The following KLF12 variants were observed in gnomAD, a reference collection of about 807,000 sequenced individuals.
KLF12 encodes the protein Krueppel-like factor 12.
A neutral mutation model predicts 37.8 loss-of-function variants in KLF12; 9 were observed. That is an observed-to-expected ratio of 0.24 (90% CI 0.14 to 0.42). The LOEUF (loss-of-function observed/expected upper bound fraction) is 0.42, where lower values mean the gene tolerates loss of function less well. Ranked by LOEUF, KLF12 falls within the 10% of genes least tolerant of loss-of-function variation. The pLI, the probability that KLF12 is intolerant of heterozygous loss-of-function variation, is 1.00. For missense variants in KLF12, 411 were observed against 516.0 expected, an observed-to-expected ratio of 0.80 and a Z score of 1.97; for synonymous variants, 208 against 202.1, an observed-to-expected ratio of 1.03 and a Z score of -0.25.
At chr13:74,235,276 G>A in the KLF12 span, among the ~76,000 whole-genome samples, 2 of 152,180 alleles carry the variant, frequency 1.3e-5, no homozygotes, top group Non-Finnish European at 2.9e-5. Context: ...TTTGTAGTAG[G>A]TGCCAGTAAG....
the KLF12 span, among the ~76,000 whole-genome samples, chr13:74,241,613 G>A: frequency 1.8e-4 from 27 of 152,120 alleles, no homozygotes; most frequent in Non-Finnish European, 3.5e-4. Context: ...CTCCGTGGGC[G>A]TAGGACCCTC....
At chr13:73,736,486 A>C (rs1434171942) in intron 6 of KLF12, among the ~76,000 whole-genome samples, 1 of 152,178 alleles carries the variant, frequency 6.6e-6, no homozygotes, top group Non-Finnish European at 1.5e-5. Flanking sequence ...TAGAAAAGTC[A>C]CCATTTTATA....
intron 3 of KLF12, among the ~76,000 whole-genome samples, chr13:73,900,424 A>G (rs1056984897): frequency 6.6e-6 from 1 of 152,220 alleles, no homozygotes; most frequent in Non-Finnish European, 1.5e-5. Flanking sequence ...ACAGGTGTCC[A>G]TAAAACATGA....
At chr13:73,826,041 C>G (rs992289430) in intron 4 of KLF12, among the ~76,000 whole-genome samples, 35 of 151,984 alleles carry the variant, frequency 2.3e-4, no homozygotes, top group African/African-American at 8.2e-4. Flanking sequence ...GGGACGATCT[C>G]GGCTCACTGC....
chr13:73,881,941 A>G (rs1020030911), intron 3 of KLF12, among the ~76,000 whole-genome samples: 16 of 152,354 alleles, frequency 1.1e-4, no homozygotes, highest in Admixed American at 3.3e-4. Flanking sequence ...TAAACAGGTA[A>G]CTGGGTCTTT....
At chr13:73,931,263 T>C (rs1889661320) in intron 3 of KLF12, among the ~76,000 whole-genome samples, 1 of 152,218 alleles carries the variant, frequency 6.6e-6, no homozygotes, top group Non-Finnish European at 1.5e-5. Flanking sequence ...CTTGACATAT[T>C]GTGTACTATG....
the KLF12 span, among the ~76,000 whole-genome samples, chr13:74,180,795 A>C: frequency 0.024 from 3,652 of 152,294 alleles, 149 homozygotes; most frequent in African/African-American, 0.081. Context: ...TGTAAATATT[A>C]ATCAGAAATT....
intron 6 of KLF12, among the ~76,000 whole-genome samples, chr13:73,763,364 C>A (rs1039980385): frequency 6.6e-6 from 1 of 152,072 alleles, no homozygotes; most frequent in Admixed American, 6.6e-5. Flanking sequence ...AGGATAGAAA[C>A]CATGTTTTAT....
intron 7 of KLF12, among the ~76,000 whole-genome samples, chr13:73,708,028 TAC>T (rs1220196504): frequency 1.3e-5 from 2 of 152,322 alleles, no homozygotes; most frequent in East Asian, 3.9e-4. Flanking sequence ...TGATATTAAT[TAC>T]AGAGACTTCA....
the KLF12 span, among the ~76,000 whole-genome samples, chr13:74,148,961 C>T: frequency 1.3e-5 from 2 of 152,148 alleles, no homozygotes; most frequent in Non-Finnish European, 2.9e-5. Context: ...ATTACAGGCA[C>T]CTGCCACCAG....
At chr13:73,705,795 T>C (rs1874890841) in intron 7 of KLF12, among the ~76,000 whole-genome samples, 1 of 152,086 alleles carries the variant, frequency 6.6e-6, no homozygotes, top group South Asian at 2.1e-4. Context: ...CCAGCTTTGA[T>C]GGATGTATGG....
At chr13:74,042,333 T>C (rs1893427122) in intron 1 of KLF12, among the ~76,000 whole-genome samples, 1 of 151,436 alleles carries the variant, frequency 6.6e-6, no homozygotes, top group Non-Finnish European at 1.5e-5. Flanking sequence ...TGAGGTTATC[T>C]ACTGGCCACT....
the KLF12 span, among the ~76,000 whole-genome samples, chr13:74,141,117 G>A: frequency 5.3e-5 from 8 of 152,084 alleles, no homozygotes; most frequent in East Asian, 1.4e-3. Flanking sequence ...CAGGGGTATA[G>A]AATTGGACTG....
At chr13:74,100,875 T>C (rs1369005784) in intron 1 of KLF12, among the ~76,000 whole-genome samples, 2 of 152,138 alleles carry the variant, frequency 1.3e-5, no homozygotes, top group African/African-American at 2.4e-5. Flanking sequence ...TTTTTCAACC[T>C]AGCCCATGGA....
the KLF12 span, among the ~76,000 whole-genome samples, chr13:74,284,432 C>A: frequency 7.7e-4 from 117 of 152,262 alleles, 2 homozygotes; most frequent in African/African-American, 2.6e-3. Context: ...TCTCAAAGAA[C>A]AAATGTAAAA....
chr13:74,237,632 T>C, the KLF12 span, among the ~76,000 whole-genome samples: 1 of 150,626 alleles, frequency 6.6e-6, no homozygotes, highest in Non-Finnish European at 1.5e-5. Context: ...CAGTGGTTTG[T>C]AGTTCTCCTT....
intron 3 of KLF12, among the ~76,000 whole-genome samples, chr13:73,918,304 C>A (rs1024906527): frequency 1.8e-4 from 27 of 151,938 alleles, no homozygotes; most frequent in African/African-American, 5.3e-4. Flanking sequence ...CTTACTCCTA[C>A]TCAAATCTTT....
chr13:73,759,225 T>C (rs772822151), intron 6 of KLF12, among the ~76,000 whole-genome samples: 19 of 152,274 alleles, frequency 1.2e-4, no homozygotes, highest in Non-Finnish European at 2.5e-4. Context: ...CTTCTGTGAC[T>C]TATTTGCCAA....
At chr13:73,823,360 T>C (rs934368825) in intron 4 of KLF12, among the ~76,000 whole-genome samples, 3 of 151,834 alleles carry the variant, frequency 2.0e-5, no homozygotes, top group African/African-American at 4.8e-5. Context: ...GGTATGTAAA[T>C]GATTTACCAC....
Sources: gnomAD v4.1 joint callset for allele counts (sites outside exome capture counted in the v4.1 genomes callset) on GRCh38, gnomAD v4.1.1 for gene constraint, MANE v1.5 for transcripts, NCBI Gene and HGNC (gene_info 2026-07-23, HGNC 2026-07-21) for gene names.